CUBN: variants seen among roughly 807,000 people sequenced by gnomAD.
CUBN encodes the protein 460 kDa receptor.
Under a neutral mutation model 405.3 loss-of-function variants are expected in CUBN, and 282 were observed. That is an observed-to-expected ratio of 0.70 (90% CI 0.63 to 0.77). The LOEUF (loss-of-function observed/expected upper bound fraction) is 0.77. CUBN is among the 30% of genes least tolerant of loss of function. CUBN has a pLI of 0.00. For missense variants in CUBN, 4,514 were observed against 4,475.2 expected, an observed-to-expected ratio of 1.01 and a Z score of -0.25; for synonymous variants, 1,684 against 1,617.0, an observed-to-expected ratio of 1.04 and a Z score of -0.99.
chr10:16,998,242 A>G (rs964144549), intron 28 of CUBN, among the ~76,000 whole-genome samples: 3 of 152,018 alleles, frequency 2.0e-5, no homozygotes, highest in Non-Finnish European at 2.9e-5. Flanking sequence ...GATGCAGTCA[A>G]GTTAAAATGA....
At chr10:16,999,667 T>G (rs1833825960) in intron 28 of CUBN, among the ~76,000 whole-genome samples, 1 of 152,256 alleles carries the variant, frequency 6.6e-6, no homozygotes, top group Admixed American at 6.5e-5. Flanking sequence ...AAAGCTTCTT[T>G]ATGAAATCCC....
chr10:17,087,472 C>CTTTGTTTGTTTTTTTTTTTTTTTT (rs1202786680), intron 15 of CUBN, among the ~76,000 whole-genome samples: 1 of 71,712 alleles, frequency 1.4e-5, no homozygotes, highest in African/African-American at 4.7e-5. Context: ...TTTTCTTTTT[C>CTTTGTTTGTTTTTTTTTTTTTTTT]TTTTTTTTTT....
chr10:17,047,246 T>A (rs1177022999), intron 23 of CUBN, among the ~76,000 whole-genome samples, 168 bp downstream of exon 23: 1 of 152,180 alleles, frequency 6.6e-6, no homozygotes, highest in Non-Finnish European at 1.5e-5. Flanking sequence ...AATTCCTGTA[T>A]TTCTCCTAAG....
intron 31 of CUBN, among the ~76,000 whole-genome samples, chr10:16,967,141 T>C (rs1462835359): frequency 6.6e-6 from 1 of 152,166 alleles, no homozygotes; most frequent in East Asian, 1.9e-4. Context: ...TCAGTTTCCT[T>C]TGTCAGTGAT....
At chr10:17,022,059 A>G (rs1031167240) in intron 27 of CUBN, among the ~76,000 whole-genome samples, 7 of 152,198 alleles carry the variant, frequency 4.6e-5, no homozygotes, top group African/African-American at 1.7e-4. Flanking sequence ...CTGTACAGTT[A>G]GATAGGTAGT....
At chr10:17,016,955 T>C (rs1445257342) in intron 28 of CUBN, among the ~76,000 whole-genome samples, 4 of 152,168 alleles carry the variant, frequency 2.6e-5, no homozygotes, top group Admixed American at 1.3e-4. Context: ...AGTATTGTAA[T>C]TTATACTTCC....
At chr10:16,886,613 C>G (rs1325485907) in intron 56 of CUBN, among the ~76,000 whole-genome samples, 2 of 152,184 alleles carry the variant, frequency 1.3e-5, no homozygotes, top group Non-Finnish European at 2.9e-5. Context: ...AAATCGGCAT[C>G]TCTACTGTTC....
intron 43 of CUBN, 59 bp from the exon 44 acceptor site, chr10:16,920,196 C>A: frequency 6.6e-7 from 1 of 1,526,346 alleles, no homozygotes; most frequent in Non-Finnish European, 9.1e-7. Context: ...CAGTCAATGG[C>A]CACAAATCAT....
rs1448981770 is a variant in CUBN, at chr10:17,068,264, A to G, written c.2808T>C (p.Leu936=). 2 of 1,613,548 alleles carry G rather than the reference A, an allele frequency of 1.2e-6. No homozygotes were observed. The highest frequency in any genetic ancestry group is 2.7e-5 in the African/African-American group (2 of 74,912). ...SAEDLACGEI[L]TESTGTIQSP... ...TTTGAATGGTCCCTGTTGATTCTGTAAGAATTTCTCCACATGCTGTTGAAA... is the reference window on the plus strand; with the variant it reads ...TTTGAATGGTCCCTGTTGATTCTGTGAGAATTTCTCCACATGCTGTTGAAA... Residue 936 remains leucine, a synonymous_variant, in exon 21 of 67, where the codon CTT becomes CTC. Coordinates refer to ENST00000377833, the MANE Select transcript of CUBN (RefSeq NM_001081.4).
At chr10:16,902,227 G>T (rs1181574242) in intron 51 of CUBN, among the ~76,000 whole-genome samples, 17 of 124,772 alleles carry the variant, frequency 1.4e-4, no homozygotes, top group East Asian at 2.2e-4. Flanking sequence ...GTATATATAT[G>T]TATATATATA....
At chr10:17,079,249 T>TG (rs1835919278) in intron 17 of CUBN, among the ~76,000 whole-genome samples, 1 of 150,906 alleles carries the variant, frequency 6.6e-6, no homozygotes, top group East Asian at 1.9e-4. Context: ...TTTTTTTTTT[T>TG]TTTTTAGATG....
At chr10:16,904,997 T>C (rs1841517315) in intron 50 of CUBN, among the ~76,000 whole-genome samples, 1 of 152,210 alleles carries the variant, frequency 6.6e-6, no homozygotes, top group African/African-American at 2.4e-5. Context: ...ACAGGCTCTA[T>C]CAAATTCTCC....
At chr10:17,078,712 A>C (rs1353789538) in intron 17 of CUBN, among the ~76,000 whole-genome samples, 1 of 152,144 alleles carries the variant, frequency 6.6e-6, no homozygotes, top group Non-Finnish European at 1.5e-5. Flanking sequence ...TACTATCCCT[A>C]TTACACATGA....
intron 31 of CUBN, among the ~76,000 whole-genome samples, chr10:16,982,108 A>G (rs992813760): frequency 6.6e-6 from 1 of 152,198 alleles, no homozygotes; most frequent in African/African-American, 2.4e-5. Context: ...TTTCCTTATT[A>G]AAAGAAACAC....
At position 17,035,870 on chromosome 10, in the gene CUBN, A is replaced by G. The variant is rs544379198; in HGVS notation, c.4017+5163T>C. Among the ~76,000 whole-genome samples, 1,006 of 151,994 alleles carry G rather than the reference A, an allele frequency of 6.6e-3. 11 individuals are homozygous for G. The highest frequency in any genetic ancestry group is 0.023 in the African/African-American group (956 of 41,512). Reference sequence around the variant, plus strand: ...GGGTGGGAGGAGGGAGAGGATCCAAAAAAATAATGAGAACTAGGCTTAATA... The same window carrying G: ...GGGTGGGAGGAGGGAGAGGATCCAAGAAAATAATGAGAACTAGGCTTAATA... On this transcript the variant is annotated intron_variant, in intron 27 of 66. Coordinates refer to ENST00000377833, the MANE Select transcript of CUBN (RefSeq NM_001081.4).
chr10:16,932,964 T>C, intron 40 of CUBN, 123 bp downstream of exon 40: 2 of 990,688 alleles, frequency 2.0e-6, no homozygotes, highest in Non-Finnish European at 1.6e-6. Context: ...ATGCCTTCCT[T>C]GACCATAATA....
intron 10 of CUBN, among the ~76,000 whole-genome samples, chr10:17,109,024 AAAT>A: frequency 6.6e-6 from 1 of 152,328 alleles, no homozygotes; most frequent in Admixed American, 6.5e-5. Context: ...CCAAGATGAA[AAAT>A]AATAATAATA....
At chr10:17,028,750 A>T (rs570909475) in intron 27 of CUBN, among the ~76,000 whole-genome samples, 1 of 151,898 alleles carries the variant, frequency 6.6e-6, no homozygotes, top group African/African-American at 2.4e-5. Context: ...GAAAGAAAAA[A>T]TAATAAATAA....
chr10:17,097,057 T>C (rs932269690), intron 14 of CUBN, among the ~76,000 whole-genome samples: 5 of 152,118 alleles, frequency 3.3e-5, no homozygotes, highest in African/African-American at 7.2e-5. Context: ...AAAGTAACCA[T>C]ACATTAGGTG....
Sources: allele counts gnomAD v4.1 joint callset (sites outside exome capture counted in the v4.1 genomes callset), GRCh38; gene constraint gnomAD v4.1.1; transcripts MANE v1.5; gene names NCBI Gene and HGNC (gene_info 2026-07-23, HGNC 2026-07-21).